NUP93: variants seen among roughly 807,000 people sequenced by gnomAD.
NUP93 encodes nuclear pore complex protein Nup93.
In NUP93, 55 loss-of-function variants were observed where a neutral mutation model predicts 107.8. That is an observed-to-expected ratio of 0.51 (90% CI 0.41 to 0.64). The LOEUF (loss-of-function observed/expected upper bound fraction) is 0.64. Ranked by LOEUF, NUP93 falls within the 30% of genes least tolerant of loss-of-function variation. The pLI is 0.00. For missense variants in NUP93, 937 were observed against 1,044.7 expected (o/e 0.90, Z 1.42); for synonymous variants, 390 against 397.5 (o/e 0.98, Z 0.22).
intron 5 of NUP93, among the ~76,000 whole-genome samples, chr16:56,806,300 C>T (rs1596819791): frequency 6.6e-6 from 1 of 151,882 alleles, no homozygotes; most frequent in Admixed American, 6.6e-5. Context: ...GTTAACCCTA[C>T]CTTAAAATAT....
chr16:56,793,006 A>T (rs1962802974), intron 3 of NUP93, among the ~76,000 whole-genome samples: 1 of 152,162 alleles, frequency 6.6e-6, no homozygotes, highest in Admixed American at 6.5e-5. Flanking sequence ...AAAATGGGGC[A>T]GGGGATGGGG....
intron 4 of NUP93, among the ~76,000 whole-genome samples, chr16:56,800,002 G>A (rs1157324054): frequency 1.3e-5 from 2 of 152,186 alleles, no homozygotes; most frequent in Non-Finnish European, 2.9e-5. Flanking sequence ...AGCCATCATG[G>A]CAAAACCCTG....
At chr16:56,814,615 G>T (rs1347342093) in intron 5 of NUP93, among the ~76,000 whole-genome samples, 3 of 152,142 alleles carry the variant, frequency 2.0e-5, no homozygotes, top group Admixed American at 6.6e-5. Flanking sequence ...GCCACTTTCG[G>T]TCCCCATCCT....
intron 3 of NUP93, among the ~76,000 whole-genome samples, chr16:56,765,495 CA>C (rs1318095136): frequency 6.6e-6 from 1 of 152,170 alleles, no homozygotes; most frequent in Non-Finnish European, 1.5e-5. Context: ...TCACCAGATC[CA>C]AAGTCTGTTA....
chr16:56,793,547 A>G (rs772281938), intron 3 of NUP93, among the ~76,000 whole-genome samples: 31 of 152,096 alleles, frequency 2.0e-4, no homozygotes, highest in Non-Finnish European at 3.7e-4. Flanking sequence ...CTATATGAGT[A>G]CATCTCCTGG....
chr16:56,833,472 C>G, intron 13 of NUP93, 66 bp downstream of exon 13: 1 of 1,245,274 alleles, frequency 8.0e-7, no homozygotes, highest in Non-Finnish European at 1.1e-6. Context: ...GCGACGGTGG[C>G]CACAAAACCA....
chr16:56,837,794 C>A, intron 18 of NUP93, 68 bp downstream of exon 18: 2 of 1,141,050 alleles, frequency 1.8e-6, no homozygotes, highest in Non-Finnish European at 2.6e-6. Context: ...CCTATGCCCA[C>A]CCAAATGCAT....
chr16:56,846,610 T>C lies in NUP93; in HGVS notation c.*2001T>C. 6.6e-6 allele frequency: 1 copy of C among 151,622 alleles called. No homozygotes were observed. The highest frequency in any genetic ancestry group is 1.5e-5 in the Non-Finnish European group (1 of 67,968). The allele number at this position is 151,622 out of a possible 1,614,324, so 9.4% of individuals were successfully genotyped here. ...CTGTAATCCCAGCTACTCGGGAGGCTGAGGCAGGAGAATCACTTGAACCCA... is the reference window on the plus strand; with the variant it reads ...CTGTAATCCCAGCTACTCGGGAGGCCGAGGCAGGAGAATCACTTGAACCCA... On this transcript the variant is annotated 3_prime_UTR_variant, in exon 22 of 22. Coordinates refer to ENST00000308159, the MANE Select transcript of NUP93 (RefSeq NM_014669.5).
At chr16:56,801,445 C>T (rs1963019600) in intron 4 of NUP93, among the ~76,000 whole-genome samples, 1 of 152,152 alleles carries the variant, frequency 6.6e-6, no homozygotes, top group Non-Finnish European at 1.5e-5. Flanking sequence ...CAGGGTCTTG[C>T]TCTGTCACCC....
At position 56,808,716 on chromosome 16, in the gene NUP93, AAT is replaced by A. The variant is rs1316590395; in HGVS notation, c.489+3092_489+3093del. On this transcript the variant is annotated intron_variant, in intron 5 of 21. Coordinates refer to ENST00000308159, the MANE Select transcript of NUP93 (RefSeq NM_014669.5). ...ATAAATATATAAAAATACATATATA[AAT>A]ATATATAAATACATATATAAAATAC... Among the ~76,000 whole-genome samples, 105 of 34,900 alleles carry A rather than the reference AAT, an allele frequency of 3.0e-3. 1 individual carries two copies. The highest frequency in any genetic ancestry group is 0.022 in the African/African-American group (90 of 4,140). 22.9% of individuals were successfully genotyped at this position (34,900 alleles called of 152,430 possible).
chr16:56,745,123 A>G (rs1171967668), intron 1 of NUP93, among the ~76,000 whole-genome samples: 1 of 152,186 alleles, frequency 6.6e-6, no homozygotes, highest in African/African-American at 2.4e-5. Context: ...GTATTTTTAA[A>G]TAGCTTTCTA....
intron 3 of NUP93, among the ~76,000 whole-genome samples, chr16:56,777,257 A>G (rs898221346): frequency 6.6e-6 from 1 of 152,146 alleles, no homozygotes; most frequent in Non-Finnish European, 1.5e-5. Context: ...TGGAAATCTT[A>G]CTTCTGAAAT....
At chr16:56,808,707 A>G (rs1197732848) in intron 5 of NUP93, among the ~76,000 whole-genome samples, 38 of 70,278 alleles carry the variant, frequency 5.4e-4, no homozygotes, top group Admixed American at 8.9e-4. Context: ...ATATAAAAAT[A>G]CATATATAAA....
In NUP93 at chr16:56,756,832, A is replaced by G. The variant is rs551017012; in HGVS notation, c.180-1706A>G. Among the ~76,000 whole-genome samples, 4 of 152,244 alleles carry G rather than the reference A, an allele frequency of 2.6e-5. No homozygotes were observed. The East Asian group carries it at 5.8e-4, about 22-fold the overall frequency. ...ATTTCCTGACTTTTTAATAATCGCC[A>G]TTCTGATTGGCATGAGATGGTATCT... On this transcript the variant is annotated intron_variant, in intron 2 of 21. Coordinates refer to ENST00000308159, the MANE Select transcript of NUP93 (RefSeq NM_014669.5).
chr16:56,830,503 G>T, intron 9 of NUP93, 25 bp from the exon 10 acceptor site: 1 of 1,533,722 alleles, frequency 6.5e-7, no homozygotes, highest in South Asian at 1.2e-5. Context: ...TGTTTATTTT[G>T]AGCACTTAAC....
intron 3 of NUP93, among the ~76,000 whole-genome samples, chr16:56,777,285 A>C (rs1279513306): frequency 2.2e-4 from 34 of 152,140 alleles, no homozygotes; most frequent in African/African-American, 8.2e-4. Context: ...ACCGAGGTGC[A>C]TTTCGTATCT....
At chr16:56,826,116 A>G (rs928071765) in intron 8 of NUP93, among the ~76,000 whole-genome samples, 6 of 152,328 alleles carry the variant, frequency 3.9e-5, no homozygotes, top group East Asian at 1.9e-4. Context: ...GGCCCTTGTC[A>G]GCACATGAAC....
intron 2 of NUP93, among the ~76,000 whole-genome samples, chr16:56,749,617 G>A (rs1328420385): frequency 1.3e-5 from 2 of 152,200 alleles, no homozygotes; most frequent in Non-Finnish European, 2.9e-5. Context: ...GTGGGACATC[G>A]TCTGCTCTAA....
intron 3 of NUP93, among the ~76,000 whole-genome samples, chr16:56,777,490 T>A (rs1378008037): frequency 6.6e-6 from 1 of 152,190 alleles, no homozygotes; most frequent in African/African-American, 2.4e-5. Flanking sequence ...TAAATAAGGC[T>A]GTGCAGAAAT....
Sources: gnomAD v4.1 joint callset for allele counts (sites outside exome capture counted in the v4.1 genomes callset) on GRCh38, gnomAD v4.1.1 for gene constraint, MANE v1.5 for transcripts, NCBI Gene and HGNC (gene_info 2026-07-23, HGNC 2026-07-21) for gene names.